VASP: variants seen among roughly 807,000 people sequenced by gnomAD.
The protein encoded by VASP is vasodilator-stimulated phosphoprotein.
A neutral mutation model predicts 54.4 loss-of-function variants in VASP; 27 were observed. The ratio of observed to expected loss-of-function variants is 0.50; its 90% CI spans 0.37 to 0.68. The LOEUF (loss-of-function observed/expected upper bound fraction) is 0.68, where lower values mean the gene tolerates loss of function less well. Among genes scored for constraint, VASP ranks in the 30% least tolerant of loss-of-function variants. The pLI, the probability that VASP is intolerant of heterozygous loss-of-function variation, is 0.00. For missense variants in VASP, 488 were observed against 528.3 expected, an observed-to-expected ratio of 0.92 and a Z score of 0.75; for synonymous variants, 233 against 209.8, an observed-to-expected ratio of 1.11 and a Z score of -0.96.
chr19:45,517,980 C>T lies in VASP; in HGVS notation c.229C>T (p.Pro77Ser), dbSNP rs141091843. The T allele has an allele frequency of 3.9e-4, 625 of 1,614,038 alleles. 10 individuals are homozygous for T. The East Asian group carries it at 0.014, about 36-fold the overall frequency. The change falls in exon 3 of 13, where the codon CCC (proline) becomes TCC (serine). Residue 77 changes from proline (P) to serine (S), a missense_variant. Physicochemically the swap from Pro to Ser is moderately conservative, Grantham distance 74. Around this residue, in one of 4 missense-constraint regions of VASP, gnomAD observed 127 missense variants for 170.7 expected, o/e 0.74. Coordinates refer to ENST00000245932, the MANE Select transcript of VASP (RefSeq NM_003370.4). ...VRGVKYNQATPNFHQWRDARQ... is the reference protein window; with the variant it reads ...VRGVKYNQATSNFHQWRDARQ... ...GGGTGTCAAGTATAACCAGGCCACCCCCAACTTCCATCAGTGGCGCGACGC... is the reference window on the plus strand; with the variant it reads ...GGGTGTCAAGTATAACCAGGCCACCTCCAACTTCCATCAGTGGCGCGACGC...
chr19:45,522,302 C>G, intron 5 of VASP, 38 bp from the exon 6 acceptor site: 1 of 1,613,480 alleles, frequency 6.2e-7, no homozygotes. Context: ...AATGAGGCTT[C>G]TCTCTCTCAG....
chr19:45,519,894 CTTTTTTTTTTTTTT>C lies in VASP; in HGVS notation c.344-1413_344-1400del, dbSNP rs57892194. ...ACAGGCGTGAGCCACTGCGCCCGGC[CTTTTTTTTTTTTTT>C]TTTTTTTTTTTTTTAATATGGAGTC... is the stretch of plus-strand genomic sequence containing the variant. On this transcript the variant is annotated intron_variant, in intron 3 of 12. Coordinates refer to ENST00000245932, the MANE Select transcript of VASP (RefSeq NM_003370.4). 7.6e-4 allele frequency among the ~76,000 whole-genome samples: 39 copies of C among 50,992 alleles called. 1 individual carries two copies. The highest frequency in any genetic ancestry group is 0.038 in the Middle Eastern group (1 of 26). The allele number at this position is 50,992 out of a possible 152,430, so 33.5% of individuals were successfully genotyped here.
chr19:45,524,004 G>A (rs1242145672), intron 9 of VASP, 93 bp from the exon 10 acceptor site: 10 of 1,609,558 alleles, frequency 6.2e-6, no homozygotes, highest in Non-Finnish European at 1.7e-6. Flanking sequence ...CTGAGATGGG[G>A]CTTTGATCAG....
rs184796446 is a variant in VASP, at chr19:45,525,330, G to A, written c.1048-616G>A. On this transcript the variant is annotated intron_variant, in intron 11 of 12. Coordinates refer to ENST00000245932, the MANE Select transcript of VASP (RefSeq NM_003370.4). ...TGTAATCCCAGCACTTTGGGAGGCC[G>A]AGGTGGGTGGATCACCTGAGGTCAG... is the stretch of plus-strand genomic sequence containing the variant. Among the ~76,000 whole-genome samples the A allele has an allele frequency of 4.5e-3, 682 of 152,236 alleles. 6 individuals carry two copies. Among genetic ancestry groups the A allele is most frequent in the African/African-American group, 0.016 (654 of 41,548 alleles).
intron 7 of VASP, 137 bp downstream of exon 7, chr19:45,522,955 T>G: frequency 1.1e-6 from 1 of 929,272 alleles, no homozygotes; most frequent in South Asian, 1.7e-5. Flanking sequence ...TGGGATATAA[T>G]GGTGGGGTTT....
In VASP at chr19:45,509,784, A is replaced by C. The variant is rs574909597; in HGVS notation, c.5+2008A>C. 8.3e-4 allele frequency among the ~76,000 whole-genome samples: 127 copies of C among 152,284 alleles called. 1 individual carries two copies. Among genetic ancestry groups the C allele is most frequent in the African/African-American group, 2.9e-3 (122 of 41,568 alleles). On this transcript the variant is annotated intron_variant, in intron 1 of 12. Transcript: ENST00000245932. ...TTCAAAACCCATGCCCCTATTACCC[A>C]GCTGGGGAAACTGAGGCTCAAAGAG...
At chr19:45,524,948 G>A (rs1457471661) in intron 11 of VASP, 1 of 338,674 alleles carries the variant, frequency 3.0e-6, no homozygotes, top group East Asian at 6.5e-5. Flanking sequence ...CAGGAGGCTG[G>A]AATGCGCTTG....
chr19:45,521,263 G>C (rs934677373), intron 3 of VASP, 59 bp from the exon 4 acceptor site: 8 of 1,485,834 alleles, frequency 5.4e-6, no homozygotes, highest in African/African-American at 2.8e-5. Context: ...CAAGGGAAGC[G>C]CCAAGAGCTG....
At chr19:45,517,141 CAAAAAT>C (rs1968720080) in intron 1 of VASP, among the ~76,000 whole-genome samples, 2 of 150,606 alleles carry the variant, frequency 1.3e-5, no homozygotes, top group South Asian at 4.2e-4. Flanking sequence ...GTCTCAAAAA[CAAAAAT>C]AAAAATAATA....
rs1968900678 is a variant in VASP at position 45,523,897 on chromosome 19, C to T, written c.910+20C>T. 2 of 1,613,806 alleles carry T rather than the reference C, an allele frequency of 1.2e-6. No homozygotes were observed. Among genetic ancestry groups the T allele is most frequent in the Non-Finnish European group, 1.7e-6 (2 of 1,179,898 alleles). ...AGAGTGGTGAGTAGAGTGCCCAGTC[C>T]AGCCACAGGAACTACAAATCCCAGA... is the stretch of plus-strand genomic sequence containing the variant. On this transcript the variant is annotated intron_variant, in intron 9 of 12. Transcript: ENST00000245932.
intron 7 of VASP, among the ~76,000 whole-genome samples, 191 bp downstream of exon 7, chr19:45,523,009 G>C (rs1968876695): frequency 1.3e-5 from 2 of 152,172 alleles, no homozygotes; most frequent in East Asian, 1.9e-4. Flanking sequence ...GTAGCCTGTA[G>C]ATGTTCTAAA....
intron 7 of VASP, 26 bp from the exon 8 acceptor site, chr19:45,523,605 GGTGACGGAAGCAC>G: frequency 6.2e-7 from 1 of 1,611,486 alleles, no homozygotes; most frequent in Non-Finnish European, 8.5e-7. Flanking sequence ...GGATGGGTTG[GGTGACGGAAGCAC>G]GTGTTTTTGC....
rs1568632009 is a variant in VASP, at chr19:45,507,507, C to T, written c.-265C>T. ...GTAGTAAGAGTAACACTGTAGCCGC[C>T]ACCGGCAAGGGGTGCGCGCTGGGGA... On this transcript the variant is annotated 5_prime_UTR_variant, in exon 1 of 13. Transcript: ENST00000245932. The surrounding 1 kb of genome is among the most constrained non-coding windows in gnomAD (Gnocchi z 4.4). 8.0e-6 allele frequency: 4 copies of T among 500,114 alleles called. No homozygotes were observed. Among genetic ancestry groups the T allele is most frequent in the Non-Finnish European group, 3.5e-6 (1 of 283,518 alleles). The allele number at this position is 500,114 out of a possible 1,614,324, so 31.0% of individuals were successfully genotyped here. A position where few individuals can be genotyped will look rare whatever the true frequency, so the allele number is the denominator to read the frequency against.
rs1001945579 is a variant in VASP at position 45,507,481 on chromosome 19, A to G, written c.-291A>G. On this transcript the variant is annotated 5_prime_UTR_variant, in exon 1 of 13. Coordinates refer to ENST00000245932, the MANE Select transcript of VASP (RefSeq NM_003370.4). This position sits in a 1 kb window ranked among gnomAD's most constrained non-coding sequence, Gnocchi z 4.4. ...AACGAAATGTAACGAAGAGAAGTAC[A>G]GTAGTAAGAGTAACACTGTAGCCGC... The G allele has an allele frequency of 2.0e-5, 9 of 447,752 alleles. No homozygotes were observed. Among genetic ancestry groups the G allele is most frequent in the East Asian group, 1.1e-4 (3 of 27,234 alleles). The allele number at this position is 447,752 out of a possible 1,614,324, so 27.7% of individuals were successfully genotyped here. A position where few individuals can be genotyped will look rare whatever the true frequency, so the allele number is the denominator to read the frequency against.
chr19:45,522,650 C>A lies in VASP; in HGVS notation c.721-68C>A, dbSNP rs1254733158. The A allele has an allele frequency of 7.0e-6, 11 of 1,565,646 alleles. No homozygotes were observed. In the Admixed American group the frequency reaches 1.7e-4, roughly 24 times the overall value. The stretch of plus-strand genomic sequence containing the variant: ...TGGGGGATGAGGCCAGGGCTGCCGG[C>A]GGTGTCATTGGGCTGGAAGGCCAAA... On this transcript the variant is annotated intron_variant, in intron 6 of 12. Coordinates refer to ENST00000245932, the MANE Select transcript of VASP (RefSeq NM_003370.4).
chr19:45,507,699 C>T lies in VASP; in HGVS notation c.-73C>T, dbSNP rs1390577421. On this transcript the variant is annotated 5_prime_UTR_variant, in exon 1 of 13. Transcript: ENST00000245932. The surrounding 1 kb of genome is among the most constrained non-coding windows in gnomAD (Gnocchi z 4.4). Reference sequence around the variant, plus strand: ...AGCCGAGCCCGGAGCCAGCCCCGAACCCCTGAACCTCCAGCCAGGGGCGCC... The same window carrying T: ...AGCCGAGCCCGGAGCCAGCCCCGAATCCCTGAACCTCCAGCCAGGGGCGCC... 1.1e-5 allele frequency: 17 copies of T among 1,511,270 alleles called. No individual in the cohort carries two copies. Among genetic ancestry groups the T allele is most frequent in the South Asian group, 4.8e-5 (4 of 82,848 alleles). The allele number at this position is 1,511,270 out of a possible 1,614,324, so 93.6% of individuals were successfully genotyped here.
intron 7 of VASP, 143 bp from the exon 8 acceptor site, chr19:45,523,501 C>A: frequency 1.1e-6 from 1 of 939,994 alleles, no homozygotes; most frequent in Non-Finnish European, 1.6e-6. Context: ...CCAGCACAAT[C>A]TCTTGAATTT....
intron 3 of VASP, among the ~76,000 whole-genome samples, chr19:45,520,778 A>G (rs1968813766): frequency 2.0e-5 from 3 of 152,168 alleles, no homozygotes; most frequent in Admixed American, 6.5e-5. Flanking sequence ...AGCCTAGCCA[A>G]CATGGTGAAA....
In VASP at chr19:45,526,561, AATAT is replaced by A. The variant is rs201899016; in HGVS notation, c.*393_*396del. On this transcript the variant is annotated 3_prime_UTR_variant, in exon 13 of 13. Coordinates refer to ENST00000245932, the MANE Select transcript of VASP (RefSeq NM_003370.4). Reference sequence around the variant, plus strand: ...AGTTTTGGTTTTTTTAAGAAAAAAAAATATATATATATTTGGGTTTTGGGGGAAA... The same window carrying A: ...AGTTTTGGTTTTTTTAAGAAAAAAAAATATATATTTGGGTTTTGGGGGAAA... The A allele has an allele frequency of 6.3e-6, 1 of 159,398 alleles. No homozygotes were observed. The highest frequency in any genetic ancestry group is 1.4e-5 in the Non-Finnish European group (1 of 72,802). The allele number at this position is 159,398 out of a possible 1,614,324, so 9.9% of individuals were successfully genotyped here. A position where few individuals can be genotyped will look rare whatever the true frequency, so the allele number is the denominator to read the frequency against.
Sources: allele counts gnomAD v4.1 joint callset (sites outside exome capture counted in the v4.1 genomes callset), GRCh38; gene constraint gnomAD v4.1.1; regional missense constraint gnomAD v4.1.1; non-coding constraint Gnocchi (gnomAD v3.1); transcripts MANE v1.5; gene names NCBI Gene and HGNC (gene_info 2026-07-23, HGNC 2026-07-21).